ZMAT4: variants seen among roughly 807,000 people sequenced by gnomAD.
ZMAT4 encodes the protein zinc finger matrin-type protein 4.
A neutral mutation model predicts 28.7 loss-of-function variants in ZMAT4; 17 were observed. The ratio of observed to expected loss-of-function variants is 0.59; its 90% CI spans 0.41 to 0.89. ZMAT4 has a LOEUF of 0.89. Ranked by LOEUF, ZMAT4 falls within the 40% of genes least tolerant of loss-of-function variation. The pLI is 0.00. For missense variants in ZMAT4, 240 were observed against 283.8 expected (o/e 0.85, Z 1.11); for synonymous variants, 117 against 109.2 (o/e 1.07, Z -0.44).
chr8:40,697,333 C>T lies in ZMAT4; in HGVS notation c.261G>A (p.Ala87=), dbSNP rs200944269. 2.5e-6 allele frequency: 4 copies of T among 1,613,906 alleles called. No homozygotes were observed. Among genetic ancestry groups the T allele is most frequent in the East Asian group, 2.2e-5 (1 of 44,854 alleles). ...CTLCNMSFTS[A]VVADSHYQGK... is the part of the protein sequence containing the mutation. Reference sequence around the variant, plus strand: ...CTTGATAATGGGAATCGGCCACCACCGCTGAAGTGAATGACATGTTGCAGA... The same window carrying T: ...CTTGATAATGGGAATCGGCCACCACTGCTGAAGTGAATGACATGTTGCAGA... The change falls in exon 4 of 7, where the codon GCG becomes GCA. Residue 87 remains alanine (A), a synonymous_variant. Transcript: ENST00000297737.
At chr8:40,689,009 A>G (rs988050714) in intron 4 of ZMAT4, among the ~76,000 whole-genome samples, 1 of 152,194 alleles carries the variant, frequency 6.6e-6, no homozygotes, top group Non-Finnish European at 1.5e-5. Flanking sequence ...GGGGACTAGG[A>G]AAAAAGGGAG....
At chr8:40,786,447 A>ACATT (rs71294786) in intron 2 of ZMAT4, among the ~76,000 whole-genome samples, 26,044 of 151,488 alleles carry the variant, frequency 0.17, 2,670 homozygotes, top group Middle Eastern at 0.25. Flanking sequence ...GAAGTACATG[A>ACATT]CATTCATTCA....
chr8:40,852,625 A>G (rs992966750), intron 1 of ZMAT4, among the ~76,000 whole-genome samples: 2 of 152,250 alleles, frequency 1.3e-5, no homozygotes, highest in Non-Finnish European at 2.9e-5. Context: ...CTTAAAGGTT[A>G]CTTGCAATAG....
chr8:40,706,647 A>T (rs1810366044), intron 3 of ZMAT4, among the ~76,000 whole-genome samples: 1 of 152,172 alleles, frequency 6.6e-6, no homozygotes, highest in Non-Finnish European at 1.5e-5. Context: ...AATTCCGCTA[A>T]CATCTAACAC....
At chr8:40,886,551 A>G (rs571190170) in intron 1 of ZMAT4, among the ~76,000 whole-genome samples, 1 of 152,320 alleles carries the variant, frequency 6.6e-6, no homozygotes, top group East Asian at 1.9e-4. Flanking sequence ...AAATGCTTAA[A>G]CATCTGAAAA....
intron 1 of ZMAT4, among the ~76,000 whole-genome samples, chr8:40,875,737 G>A (rs924106680): frequency 6.6e-6 from 1 of 152,096 alleles, no homozygotes; most frequent in Non-Finnish European, 1.5e-5. Context: ...TACAAGTTCT[G>A]CCCACAGTGC....
rs1371021618 is a variant in ZMAT4 at position 40,651,826 on chromosome 8, T to A, written c.577+22878A>T. Reference sequence around the variant, plus strand: ...TGACAAACCTGACAAAAACAAGCAATGGGGAAAGGATTCCCTATTTAATAA... The same window carrying A: ...TGACAAACCTGACAAAAACAAGCAAAGGGGAAAGGATTCCCTATTTAATAA... On this transcript the variant is annotated intron_variant, in intron 5 of 6. Transcript: ENST00000297737. 5.3e-5 allele frequency among the ~76,000 whole-genome samples: 7 copies of A among 132,744 alleles called. No individual in the cohort carries two copies. The East Asian group carries it at 1.6e-3, about 29-fold the overall frequency. 87.1% of individuals were successfully genotyped at this position (132,744 alleles called of 152,430 possible). A position where few individuals can be genotyped will look rare whatever the true frequency, so the allele number is the denominator to read the frequency against.
intron 1 of ZMAT4, among the ~76,000 whole-genome samples, chr8:40,844,540 G>A (rs548232623): frequency 6.6e-6 from 1 of 152,164 alleles, no homozygotes; most frequent in South Asian, 2.1e-4. Context: ...CAGAATGCAG[G>A]CCTTCCCTTG....
intron 6 of ZMAT4, among the ~76,000 whole-genome samples, chr8:40,557,596 C>G (rs564749510): frequency 2.0e-5 from 3 of 152,332 alleles, no homozygotes; most frequent in African/African-American, 7.2e-5. Flanking sequence ...GTTCTCCTCA[C>G]AGGTGAGGTT....
chr8:40,714,496 A>C (rs1810760354), intron 3 of ZMAT4, among the ~76,000 whole-genome samples: 1 of 152,176 alleles, frequency 6.6e-6, no homozygotes, highest in African/African-American at 2.4e-5. Flanking sequence ...GCCATGGAAT[A>C]TGGAATATAA....
At chr8:40,661,105 C>T (rs568795276) in intron 5 of ZMAT4, among the ~76,000 whole-genome samples, 1 of 151,966 alleles carries the variant, frequency 6.6e-6, no homozygotes, top group Non-Finnish European at 1.5e-5. Context: ...GTAAATCTGG[C>T]TTTTTGTTTT....
At chr8:40,871,593 G>GA (rs977630968) in intron 1 of ZMAT4, among the ~76,000 whole-genome samples, 15 of 152,158 alleles carry the variant, frequency 9.9e-5, no homozygotes, top group African/African-American at 3.4e-4. Context: ...AAAAGGCAGG[G>GA]AAAAAAGAGA....
intron 5 of ZMAT4, among the ~76,000 whole-genome samples, chr8:40,621,062 T>G (rs1305163318): frequency 6.6e-6 from 1 of 152,250 alleles, no homozygotes; most frequent in Non-Finnish European, 1.5e-5. Flanking sequence ...CATCCACTAT[T>G]TCTGGTCTCT....
At chr8:40,706,333 C>T (rs563163926) in intron 3 of ZMAT4, among the ~76,000 whole-genome samples, 5 of 152,218 alleles carry the variant, frequency 3.3e-5, no homozygotes, top group Admixed American at 2.0e-4. Context: ...GGATTACAGG[C>T]GTGAGCCACT....
chr8:40,550,607 CT>C lies in ZMAT4; in HGVS notation c.675-18370del, dbSNP rs543717327. On this transcript the variant is annotated intron_variant, in intron 6 of 6. Transcript: ENST00000297737. ...GATCATGAGGGTGGTTTCCCTCATG[CT>C]GTTCTCGTGACAGTGAGTGAGTCTC... 3.2e-3 allele frequency among the ~76,000 whole-genome samples: 482 copies of C among 152,260 alleles called. 4 individuals carry two copies. The highest frequency in any genetic ancestry group is 4.3e-3 in the Non-Finnish European group (293 of 68,024).
intron 5 of ZMAT4, among the ~76,000 whole-genome samples, chr8:40,633,388 T>C (rs928521860): frequency 3.9e-5 from 6 of 152,146 alleles, no homozygotes; most frequent in Non-Finnish European, 8.8e-5. Context: ...AAGTGACACA[T>C]GCGATGTGAT....
At chr8:40,720,302 G>T (rs1811024871) in intron 3 of ZMAT4, among the ~76,000 whole-genome samples, 1 of 151,252 alleles carries the variant, frequency 6.6e-6, no homozygotes, top group South Asian at 2.1e-4. Flanking sequence ...TTCAGAGTAG[G>T]TGTTCCCAAC....
intron 3 of ZMAT4, among the ~76,000 whole-genome samples, chr8:40,762,567 G>T (rs1196914588): frequency 6.6e-6 from 1 of 152,028 alleles, no homozygotes; most frequent in Non-Finnish European, 1.5e-5. Context: ...AAGTCTGGAG[G>T]ATCCCTTGAG....
chr8:40,659,328 A>G (rs1808081617), intron 5 of ZMAT4, among the ~76,000 whole-genome samples: 1 of 152,178 alleles, frequency 6.6e-6, no homozygotes, highest in African/African-American at 2.4e-5. Context: ...AGCAAGTTTT[A>G]GGCATGAGGG....
Sources: allele counts gnomAD v4.1 joint callset (sites outside exome capture counted in the v4.1 genomes callset), GRCh38; gene constraint gnomAD v4.1.1; transcripts MANE v1.5; gene names NCBI Gene and HGNC (gene_info 2026-07-23, HGNC 2026-07-21).